The following CDH13 variants were observed in gnomAD, a reference collection of about 807,000 sequenced individuals.
The protein encoded by CDH13 is cadherin-13.
A neutral mutation model predicts 63.8 loss-of-function variants in CDH13; 24 were observed. The observed-to-expected ratio is 0.38, with a 90% CI of 0.27 to 0.53. CDH13 has a LOEUF of 0.53. CDH13 is among the 20% of genes least tolerant of loss of function. CDH13 has a pLI of 0.85. For synonymous variants in CDH13, 503 were observed against 355.3 expected (o/e 1.42, Z -4.67); for missense variants, 1,049 against 903.1 (o/e 1.16, Z -2.07).
At chr16:83,764,876 G>C (rs1430101882) in intron 11 of CDH13, among the ~76,000 whole-genome samples, 1 of 152,182 alleles carries the variant, frequency 6.6e-6, no homozygotes, top group Non-Finnish European at 1.5e-5. Context: ...ATTCCTGCCT[G>C]TGCGTCTGCA....
intron 3 of CDH13, among the ~76,000 whole-genome samples, chr16:83,073,626 T>TA (rs1245497237): frequency 2.6e-5 from 4 of 152,034 alleles, no homozygotes; most frequent in Non-Finnish European, 5.9e-5. Context: ...TTTATTCCTG[T>TA]AAAAATATAT....
At chr16:83,677,529 C>T (rs112859995) in intron 9 of CDH13, among the ~76,000 whole-genome samples, 11,443 of 152,176 alleles carry the variant, frequency 0.075, 703 homozygotes, top group African/African-American at 0.17. Context: ...CAGGGCCCAG[C>T]GGCTTAACTC....
chr16:82,690,610 A>G (rs1030342663), intron 1 of CDH13, among the ~76,000 whole-genome samples: 18 of 152,222 alleles, frequency 1.2e-4, no homozygotes, highest in Non-Finnish European at 2.4e-4. Context: ...ACTTAAGAAA[A>G]AAATCTGATG....
intron 5 of CDH13, among the ~76,000 whole-genome samples, chr16:83,254,534 G>T (rs1193999652): frequency 6.6e-6 from 1 of 152,110 alleles, no homozygotes; most frequent in Non-Finnish European, 1.5e-5. Flanking sequence ...CTATGGACAG[G>T]ATCCCCTGTG....
chr16:83,754,460 T>G (rs1358477884), intron 11 of CDH13, among the ~76,000 whole-genome samples: 1 of 152,184 alleles, frequency 6.6e-6, no homozygotes, highest in Non-Finnish European at 1.5e-5. Flanking sequence ...CCTTACTAAG[T>G]TGATGAAGCA....
At chr16:83,430,560 C>T (rs956492786) in intron 6 of CDH13, among the ~76,000 whole-genome samples, 3 of 152,014 alleles carry the variant, frequency 2.0e-5, no homozygotes, top group African/African-American at 7.2e-5. Context: ...TTTTGAAATC[C>T]TGCTTTTCTA....
At chr16:83,074,333 A>G (rs907448012) in intron 3 of CDH13, among the ~76,000 whole-genome samples, 1 of 152,124 alleles carries the variant, frequency 6.6e-6, no homozygotes, top group East Asian at 1.9e-4. Flanking sequence ...GTTCTTTTTT[A>G]TAGCCAAATA....
At chr16:83,564,345 G>A (rs1017392380) in intron 7 of CDH13, among the ~76,000 whole-genome samples, 3 of 151,912 alleles carry the variant, frequency 2.0e-5, no homozygotes, top group Non-Finnish European at 2.9e-5. Context: ...CAGACAAGGG[G>A]CAGTAAGGAG....
chr16:82,997,740 T>C (rs1597380041), intron 2 of CDH13, among the ~76,000 whole-genome samples: 1 of 152,296 alleles, frequency 6.6e-6, no homozygotes, highest in Non-Finnish European at 1.5e-5. Flanking sequence ...ATATCTAACA[T>C]AGAAGTTCAG....
At chr16:83,440,737 A>T (rs1055438430) in intron 6 of CDH13, among the ~76,000 whole-genome samples, 5 of 148,606 alleles carry the variant, frequency 3.4e-5, no homozygotes, top group Non-Finnish European at 7.4e-5. Context: ...GTGAGTTGAG[A>T]CTGAGCCACC....
intron 5 of CDH13, among the ~76,000 whole-genome samples, chr16:83,296,756 CT>C (rs1201909311): frequency 6.6e-6 from 1 of 152,160 alleles, no homozygotes; most frequent in African/African-American, 2.4e-5. Context: ...TATTTCACAA[CT>C]TGTTCAAATT....
intron 8 of CDH13, among the ~76,000 whole-genome samples, chr16:83,658,110 C>A (rs1598425778): frequency 1.5e-5 from 2 of 135,830 alleles, no homozygotes; most frequent in South Asian, 2.6e-4. Flanking sequence ...TCCTCACCAC[C>A]AGGTGCCATA....
intron 6 of CDH13, among the ~76,000 whole-genome samples, chr16:83,434,137 A>G (rs1038043303): frequency 3.3e-5 from 5 of 152,194 alleles, no homozygotes; most frequent in African/African-American, 9.7e-5. Flanking sequence ...CCAGTCTTCT[A>G]TGTACCTAAG....
rs931211076 is a variant in CDH13 at position 83,622,827 on chromosome 16, G to A, written c.1101+20233G>A. 4.6e-5 allele frequency among the ~76,000 whole-genome samples: 7 copies of A among 152,264 alleles called. No homozygotes were observed. The South Asian group carries it at 1.2e-3, about 27-fold the overall frequency. On this transcript the variant is annotated intron_variant, in intron 8 of 13. Coordinates refer to ENST00000567109, the MANE Select transcript of CDH13 (RefSeq NM_001257.5). Reference sequence around the variant, plus strand: ...TGTTCTGAGTTAGCAGGGTTGCAGCGGCCTCAGCTTTTTGGTTCATGCAGT... The same window carrying A: ...TGTTCTGAGTTAGCAGGGTTGCAGCAGCCTCAGCTTTTTGGTTCATGCAGT...
intron 2 of CDH13, among the ~76,000 whole-genome samples, chr16:83,018,054 T>G (rs1404636866): frequency 6.6e-6 from 1 of 152,170 alleles, no homozygotes; most frequent in Non-Finnish European, 1.5e-5. Context: ...AATACAGTAA[T>G]CAAAAGAAAT....
chr16:82,774,295 C>T (rs1219400780), intron 1 of CDH13, among the ~76,000 whole-genome samples: 1 of 149,542 alleles, frequency 6.7e-6, no homozygotes, highest in African/African-American at 2.4e-5. Context: ...CCCAGCTCTT[C>T]AATTTACATC....
intron 2 of CDH13, among the ~76,000 whole-genome samples, chr16:82,992,765 C>A (rs1450341631): frequency 2.6e-5 from 4 of 152,040 alleles, no homozygotes; most frequent in Non-Finnish European, 4.4e-5. Context: ...GAAATAAAGA[C>A]CATAATAAGT....
intron 6 of CDH13, among the ~76,000 whole-genome samples, chr16:83,391,185 C>T (rs1472421620): frequency 2.6e-5 from 4 of 151,534 alleles, no homozygotes; most frequent in Non-Finnish European, 4.4e-5. Context: ...CTGTGACATT[C>T]ATAAGATGTT....
At chr16:83,014,077 A>C (rs909355145) in intron 2 of CDH13, among the ~76,000 whole-genome samples, 3 of 151,142 alleles carry the variant, frequency 2.0e-5, no homozygotes, top group African/African-American at 4.8e-5. Context: ...TAAGGAAAAA[A>C]GCAAAAAGAA....
Sources: gnomAD v4.1 joint callset for allele counts (sites outside exome capture counted in the v4.1 genomes callset) on GRCh38, gnomAD v4.1.1 for gene constraint, MANE v1.5 for transcripts, NCBI Gene and HGNC (gene_info 2026-07-23, HGNC 2026-07-21) for gene names.